The following RALY variants were observed in gnomAD, a reference collection of about 807,000 sequenced individuals.
RALY encodes RNA-binding protein Raly.
A neutral mutation model predicts 30.7 loss-of-function variants in RALY; 15 were observed. The ratio of observed to expected loss-of-function variants is 0.49; its 90% confidence interval spans 0.33 to 0.75. RALY has a LOEUF of 0.75. Among genes scored for constraint, RALY ranks in the 30% least tolerant of loss-of-function variants. The pLI, the probability that RALY is intolerant of heterozygous loss-of-function variation, is 0.02. For missense variants in RALY, 339 were observed against 414.3 expected, an observed-to-expected ratio of 0.82 and a Z score of 1.58; for synonymous variants, 177 against 170.8, an observed-to-expected ratio of 1.04 and a Z score of -0.28.
chr20:34,042,299 C>T (rs2032730411), intron 2 of RALY, among the ~76,000 whole-genome samples: 1 of 152,164 alleles, frequency 6.6e-6, no homozygotes, highest in African/African-American at 2.4e-5. Flanking sequence ...ACGACACTGA[C>T]CTGAACCAAC....
At chr20:34,007,568 C>G (rs1272711439) in intron 1 of RALY, among the ~76,000 whole-genome samples, 1 of 151,660 alleles carries the variant, frequency 6.6e-6, no homozygotes, top group African/African-American at 2.4e-5. Context: ...GCCTATAATC[C>G]CAGCACTTCG....
chr20:34,002,442 C>T (rs1324910143), intron 1 of RALY, among the ~76,000 whole-genome samples: 1 of 152,184 alleles, frequency 6.6e-6, no homozygotes, highest in African/African-American at 2.4e-5. Context: ...GACATAATTC[C>T]TGTCCACAAA....
At chr20:34,017,454 G>T (rs1193608097) in intron 1 of RALY, 1 of 152,204 alleles carries the variant, frequency 6.6e-6, no homozygotes, top group Non-Finnish European at 1.5e-5. Context: ...GGGAGCTCAG[G>T]CTGTCTCCCT....
intron 2 of RALY, among the ~76,000 whole-genome samples, chr20:34,071,524 C>G (rs6119446): frequency 0.086 from 13,010 of 152,032 alleles, 630 homozygotes; most frequent in African/African-American, 0.13. Context: ...GGTGATGCAC[C>G]CGTCTCGGCC....
At chr20:33,994,417 C>T (rs144197002) in intron 1 of RALY, 4,102 of 152,468 alleles carry the variant, frequency 0.027, 86 homozygotes, top group Non-Finnish European at 0.042. Flanking sequence ...CAGTAGTTGG[C>T]TGGGTGGGCC....
At chr20:34,073,711 C>G in intron 4 of RALY, 76 bp downstream of exon 4, 2 of 1,542,104 alleles carry the variant, frequency 1.3e-6, no homozygotes, top group Non-Finnish European at 1.8e-6. Context: ...GCTGGTGTGA[C>G]AGTGTGCTGA....
At position 34,084,495 on chromosome 20, in the gene RALY, G is replaced by A. The variant is rs1251671387; in HGVS notation, c.*4590G>A. ...CTATTCTATAGATTTTGTAGATGAG[G>A]TTTAAAAGCATGGCCCCAAGTAAAG... On this transcript the variant is annotated 3_prime_UTR_variant, in exon 10 of 10. Transcript: ENST00000246194. The A allele has an allele frequency of 6.6e-6, 1 of 152,268 alleles. No homozygotes were observed. The highest frequency in any genetic ancestry group is 1.5e-5 in the Non-Finnish European group (1 of 68,062). The allele number at this position is 152,268 out of a possible 1,614,324, so 9.4% of individuals were successfully genotyped here. A position where few individuals can be genotyped will look rare whatever the true frequency, so the allele number is the denominator to read the frequency against.
chr20:34,016,472 C>T (rs796360849), intron 1 of RALY: 2 of 152,318 alleles, frequency 1.3e-5, no homozygotes, highest in African/African-American at 4.8e-5. Context: ...CACAAGAAAG[C>T]CAAAGCTACT....
chr20:34,027,037 C>A (rs1296219097), intron 1 of RALY, among the ~76,000 whole-genome samples: 1 of 152,148 alleles, frequency 6.6e-6, no homozygotes, highest in African/African-American at 2.4e-5. Flanking sequence ...TATGACAGTT[C>A]ATAAGACCCT....
intron 2 of RALY, among the ~76,000 whole-genome samples, chr20:34,032,784 A>G (rs189089387): frequency 1.8e-4 from 28 of 152,144 alleles, no homozygotes; most frequent in African/African-American, 6.7e-4. Context: ...CATAAATACC[A>G]TTGTTCTTCC....
chr20:34,069,706 T>C (rs939054407), intron 2 of RALY, among the ~76,000 whole-genome samples: 4 of 152,122 alleles, frequency 2.6e-5, no homozygotes, highest in Admixed American at 2.6e-4. Context: ...GGGAAAAACA[T>C]GTATTGAGCA....
chr20:34,066,544 C>T (rs891178882), intron 2 of RALY, among the ~76,000 whole-genome samples: 3 of 151,836 alleles, frequency 2.0e-5, no homozygotes, highest in African/African-American at 7.3e-5. Flanking sequence ...CACAAAGTAG[C>T]TCTCTGGGCC....
In RALY at chr20:34,077,188, A is replaced by G; in HGVS notation, c.819A>G (p.Ala273=). Residue 273 remains alanine (A), a synonymous_variant, in exon 8 of 10, where the codon GCA becomes GCG. Coordinates refer to ENST00000246194, the MANE Select transcript of RALY (RefSeq NM_016732.3). ...AGGCAGGCCTGCCCCAGGGGGAAGC[A>G]CGGACCCGAGACGACGGCGATGAGG... ...TSEAGLPQGE[A]RTRDDGDEEG... 1.9e-6 allele frequency: 3 copies of G among 1,613,778 alleles called. No homozygotes were observed. The highest frequency in any genetic ancestry group is 2.2e-5 in the East Asian group (1 of 44,862).
At chr20:34,078,067 A>T (rs2033944796) in intron 8 of RALY, among the ~76,000 whole-genome samples, 1 of 152,214 alleles carries the variant, frequency 6.6e-6, no homozygotes, top group African/African-American at 2.4e-5. Flanking sequence ...GCTCATGGCC[A>T]TGACGGTTAG....
chr20:34,072,959 T>TGAGA (rs1555809418), intron 3 of RALY, among the ~76,000 whole-genome samples: 14 of 149,002 alleles, frequency 9.4e-5, no homozygotes, highest in African/African-American at 3.5e-4. Context: ...TGTGTGTGTG[T>TGAGA]GAGAGAGAGA....
At chr20:33,996,719 A>G (rs977029459) in intron 1 of RALY, among the ~76,000 whole-genome samples, 1 of 152,176 alleles carries the variant, frequency 6.6e-6, no homozygotes, top group Non-Finnish European at 1.5e-5. Context: ...TCGCATGGTT[A>G]TGCAACCATC....
intron 8 of RALY, chr20:34,077,671 C>T: frequency 3.7e-6 from 1 of 272,780 alleles, no homozygotes; most frequent in Non-Finnish European, 7.1e-6. Flanking sequence ...GGGTGAGCTC[C>T]CCGCCTGTTA....
intron 6 of RALY, 83 bp from the exon 7 acceptor site, chr20:34,076,619 T>G (rs1406535226): frequency 2.5e-6 from 3 of 1,222,780 alleles, no homozygotes; most frequent in Non-Finnish European, 3.5e-6. Context: ...GCTTTCCTGG[T>G]TGAAAGAACA....
chr20:33,998,958 C>T (rs191263612), intron 1 of RALY, among the ~76,000 whole-genome samples: 116 of 151,788 alleles, frequency 7.6e-4, no homozygotes, highest in African/African-American at 2.4e-3. Context: ...GAAACCCCGT[C>T]TCTACTAAAA....
Sources: gnomAD v4.1 joint callset for allele counts (sites outside exome capture counted in the v4.1 genomes callset) on GRCh38, gnomAD v4.1.1 for gene constraint, MANE v1.5 for transcripts, NCBI Gene and HGNC (gene_info 2026-07-23, HGNC 2026-07-21) for gene names.